KHDRBS2: variants seen among roughly 807,000 people sequenced by gnomAD.
KHDRBS2 encodes KH RNA binding domain containing, signal transduction associated 2.
KHDRBS2 carries 26 observed loss-of-function variants against 44.3 expected under a neutral mutation model. The observed-to-expected ratio is 0.59, with a 90% CI of 0.43 to 0.81. The LOEUF (loss-of-function observed/expected upper bound fraction) is 0.81. KHDRBS2 is among the 40% of genes least tolerant of loss of function. KHDRBS2 has a pLI of 0.00. For missense variants in KHDRBS2, 476 were observed against 433.1 expected (o/e 1.10, Z -0.88); for synonymous variants, 194 against 151.1 (o/e 1.28, Z -2.08).
At chr6:62,174,215 A>G (rs1820643092) in intron 2 of KHDRBS2, among the ~76,000 whole-genome samples, 1 of 151,928 alleles carries the variant, frequency 6.6e-6, no homozygotes, top group East Asian at 1.9e-4. Flanking sequence ...GCTAAGTTTC[A>G]GGATACAAAA....
chr6:62,099,002 A>C (rs1003122883), intron 2 of KHDRBS2, among the ~76,000 whole-genome samples: 1 of 152,112 alleles, frequency 6.6e-6, no homozygotes, highest in African/African-American at 2.4e-5. Flanking sequence ...AATTATTTTA[A>C]ACTCTTTGTT....
the KHDRBS2 span, among the ~76,000 whole-genome samples, chr6:61,609,126 G>A: frequency 6.6e-6 from 1 of 152,156 alleles, no homozygotes; most frequent in African/African-American, 2.4e-5. Flanking sequence ...GGGAGGCCAA[G>A]GCAGGTGGAT....
At chr6:62,194,497 T>C (rs1825257228) in intron 1 of KHDRBS2, among the ~76,000 whole-genome samples, 5 of 28,868 alleles carry the variant, frequency 1.7e-4, no homozygotes, top group African/African-American at 3.0e-4. Context: ...TTTTTTTTTT[T>C]TTTTTTTTTT....
At chr6:61,822,796 G>T (rs1174057807) in intron 6 of KHDRBS2, among the ~76,000 whole-genome samples, 1 of 151,862 alleles carries the variant, frequency 6.6e-6, no homozygotes. Context: ...GCTGTGACAT[G>T]GGCTATAACC....
At chr6:62,097,107 G>C (rs865938326) in intron 2 of KHDRBS2, among the ~76,000 whole-genome samples, 1 of 142,296 alleles carries the variant, frequency 7.0e-6, no homozygotes, top group Non-Finnish European at 1.6e-5. Flanking sequence ...ATATAATTTT[G>C]TTTTTTTTTT....
At chr6:62,091,136 G>A (rs1799423405) in intron 2 of KHDRBS2, among the ~76,000 whole-genome samples, 1 of 152,070 alleles carries the variant, frequency 6.6e-6, no homozygotes, top group Non-Finnish European at 1.5e-5. Flanking sequence ...CAACACCTCT[G>A]TAAAAGGACA....
At chr6:62,162,985 G>T (rs1817961761) in intron 2 of KHDRBS2, among the ~76,000 whole-genome samples, 1 of 151,986 alleles carries the variant, frequency 6.6e-6, no homozygotes. Flanking sequence ...TGTCAAGTGG[G>T]CAGTTTCAAG....
At chr6:62,248,670 G>C (rs563445853) in intron 1 of KHDRBS2, among the ~76,000 whole-genome samples, 2 of 152,016 alleles carry the variant, frequency 1.3e-5, no homozygotes, top group Non-Finnish European at 2.9e-5. Flanking sequence ...AGATATTAGT[G>C]TCTTCAATAT....
chr6:61,855,089 A>T (rs1254608198), intron 6 of KHDRBS2, among the ~76,000 whole-genome samples: 1 of 152,056 alleles, frequency 6.6e-6, no homozygotes, highest in Admixed American at 6.6e-5. Flanking sequence ...CTGAAACCTC[A>T]ATTTTTCCAT....
At chr6:61,770,520 C>G (rs547819114) in intron 6 of KHDRBS2, among the ~76,000 whole-genome samples, 2 of 152,046 alleles carry the variant, frequency 1.3e-5, no homozygotes, top group Non-Finnish European at 2.9e-5. Context: ...AACCAAGGCA[C>G]GAGAGCTATG....
intron 1 of KHDRBS2, among the ~76,000 whole-genome samples, chr6:62,254,776 C>T (rs1002380455): frequency 5.3e-5 from 8 of 151,954 alleles, no homozygotes; most frequent in East Asian, 1.9e-4. Context: ...ACAAGCAGTT[C>T]GAGCTTGGAG....
chr6:61,917,371 T>C (rs1164814034), intron 4 of KHDRBS2, among the ~76,000 whole-genome samples: 3 of 151,972 alleles, frequency 2.0e-5, no homozygotes, highest in Admixed American at 6.6e-5. Flanking sequence ...TAAATGTATA[T>C]ATCAAGTGAA....
At chr6:62,059,203 T>G (rs1443748803) in intron 2 of KHDRBS2, among the ~76,000 whole-genome samples, 3 of 99,722 alleles carry the variant, frequency 3.0e-5, no homozygotes, top group African/African-American at 4.3e-5. Flanking sequence ...AGGAAGTTTT[T>G]TTTTTTTTTT....
chr6:62,281,720 C>A (rs1318320877), intron 1 of KHDRBS2, among the ~76,000 whole-genome samples: 1 of 152,000 alleles, frequency 6.6e-6, no homozygotes, highest in Non-Finnish European at 1.5e-5. Flanking sequence ...TTTGTTTTTT[C>A]ATCTTAAAAG....
chr6:62,161,573 CG>C (rs3035515), intron 2 of KHDRBS2, among the ~76,000 whole-genome samples: 19,479 of 33,546 alleles, frequency 0.58, 4,988 homozygotes, highest in Middle Eastern at 0.68. Flanking sequence ...TTGGTATTTG[CG>C]GGGGGGGGGG....
At chr6:62,285,095 G>A (rs1021506862) in intron 1 of KHDRBS2, among the ~76,000 whole-genome samples, 1 of 151,988 alleles carries the variant, frequency 6.6e-6, no homozygotes, top group African/African-American at 2.4e-5. Flanking sequence ...GGAGTAATTC[G>A]GTTAATAAAG....
At chr6:61,550,043 A>C in the KHDRBS2 span, among the ~76,000 whole-genome samples, 1 of 152,020 alleles carries the variant, frequency 6.6e-6, no homozygotes, top group African/African-American at 2.4e-5. Flanking sequence ...TCTAAGTTTA[A>C]ATTTCTTTTG....
At chr6:61,560,964 GC>G in the KHDRBS2 span, among the ~76,000 whole-genome samples, 1 of 152,100 alleles carries the variant, frequency 6.6e-6, no homozygotes, top group Non-Finnish European at 1.5e-5. Flanking sequence ...TCTTAGGAAA[GC>G]TTTTCAGGTA....
At chr6:62,105,659 C>G (rs1271189260) in intron 2 of KHDRBS2, among the ~76,000 whole-genome samples, 1 of 151,868 alleles carries the variant, frequency 6.6e-6, no homozygotes, top group Non-Finnish European at 1.5e-5. Context: ...CTATTTGATT[C>G]TTCTCTCTTT....
Sources: allele counts gnomAD v4.1 joint callset (sites outside exome capture counted in the v4.1 genomes callset), GRCh38; gene constraint gnomAD v4.1.1; transcripts MANE v1.5; gene names NCBI Gene and HGNC (gene_info 2026-07-23, HGNC 2026-07-21).